The following PTPRS variants were observed in gnomAD, a reference collection of about 807,000 sequenced individuals.
PTPRS encodes receptor-type tyrosine-protein phosphatase S.
Under a neutral mutation model 215.3 loss-of-function variants are expected in PTPRS, and 63 were observed. The observed-to-expected ratio is 0.29, with a 90% CI of 0.24 to 0.36. The LOEUF is 0.36. PTPRS is among the 10% of genes least tolerant of loss of function. PTPRS has a pLI of 1.00. For synonymous variants in PTPRS, 1,404 were observed against 1,191.4 expected (o/e 1.18, Z -3.68); for missense variants, 2,258 against 2,825.8 (o/e 0.80, Z 4.56).
At chr19:5,322,027 T>G (rs2050036662) in intron 1 of PTPRS, among the ~76,000 whole-genome samples, 1 of 152,076 alleles carries the variant, frequency 6.6e-6, no homozygotes, top group South Asian at 2.1e-4. Context: ...CCATTTCCAT[T>G]TGGGTAAACT....
At position 5,206,820 on chromosome 19, in the gene PTPRS, TG is replaced by T; in HGVS notation, c.5800del (p.Gln1934ArgfsTer115). On this transcript the variant is annotated frameshift_variant, in exon 38 of 38. Coordinates refer to ENST00000262963, the MANE Select transcript of PTPRS (RefSeq NM_002850.4). LOFTEE classifies it high-confidence loss of function. ...QTEDEYQFCY[Q>X]AALEYLGSFD... ...GCTTCCGAGGTACTCCAGTGCCGCC[TG>T]GTAACAGAACTGGTACTCATCCTGG... The T allele has an allele frequency of 6.2e-7, 1 of 1,614,098 alleles. No homozygotes were observed. Among genetic ancestry groups the T allele is most frequent in the Non-Finnish European group, 8.5e-7 (1 of 1,179,964 alleles).
intron 16 of PTPRS, among the ~76,000 whole-genome samples, chr19:5,228,159 G>A (rs2042669876): frequency 6.6e-6 from 1 of 151,626 alleles, no homozygotes; most frequent in African/African-American, 2.4e-5. Flanking sequence ...AGAGCATGTG[G>A]GACCAGTGCC....
intron 1 of PTPRS, among the ~76,000 whole-genome samples, chr19:5,290,649 A>G (rs945991467): frequency 3.3e-5 from 5 of 151,964 alleles, no homozygotes; most frequent in African/African-American, 1.2e-4. Context: ...TGTAGAGTCC[A>G]TGCTGCCCTG....
chr19:5,294,582 C>G lies in PTPRS; in HGVS notation c.-94-8348G>C, dbSNP rs886824783. 7 of 152,162 alleles carry G rather than the reference C, an allele frequency of 4.6e-5. No homozygotes were observed. The highest frequency in any genetic ancestry group is 1.7e-4 in the African/African-American group (7 of 41,418). 9.4% of individuals were successfully genotyped at this position (152,162 alleles called of 1,614,324 possible). A position where few individuals can be genotyped will look rare whatever the true frequency, so the allele number is the denominator to read the frequency against. On this transcript the variant is annotated intron_variant, in intron 1 of 37. Coordinates refer to ENST00000262963, the MANE Select transcript of PTPRS (RefSeq NM_002850.4). This position sits in a 1 kb window ranked among gnomAD's most constrained non-coding sequence, Gnocchi z 5.1. ...GAGCCCAGCAGAAACAATTCCGCTC[C>G]CACGGCTCCCGTCCATGCCCTCCCA... is the stretch of plus-strand genomic sequence containing the variant.
chr19:5,240,448 C>G, intron 11 of PTPRS, 116 bp from the exon 12 acceptor site: 1 of 1,108,646 alleles, frequency 9.0e-7, no homozygotes, highest in South Asian at 2.1e-5. Context: ...CTAGAATGTT[C>G]TTTTATTTTC....
Position 5,236,097 on chromosome 19 carries a change from C to T in PTPRS, c.1849+2822G>A, listed in dbSNP as rs148247744. ...AACTGTCACTCCCCACCCGCCACCCCGCGTCAACGGTGGGGAAACCAGATT... is the reference window on the plus strand; with the variant it reads ...AACTGTCACTCCCCACCCGCCACCCTGCGTCAACGGTGGGGAAACCAGATT... On this transcript the variant is annotated intron_variant, in intron 13 of 37. Transcript: ENST00000262963. 1.9e-3 allele frequency among the ~76,000 whole-genome samples: 295 copies of T among 152,336 alleles called. 3 individuals are homozygous for T. The highest frequency in any genetic ancestry group is 6.8e-3 in the African/African-American group (282 of 41,584).
intron 1 of PTPRS, among the ~76,000 whole-genome samples, chr19:5,307,150 C>CA (rs1014987585): frequency 1.3e-4 from 19 of 151,824 alleles, no homozygotes; most frequent in African/African-American, 2.2e-4. Context: ...ACTAAAAATA[C>CA]AAAAAAAATT....
chr19:5,248,102 C>T (rs1302976309), intron 9 of PTPRS, among the ~76,000 whole-genome samples: 1 of 151,102 alleles, frequency 6.6e-6, no homozygotes, highest in African/African-American at 2.4e-5. Flanking sequence ...GAATGGGGTC[C>T]GGCCAGCCAG....
At chr19:5,239,731 TACAGAG>T (rs949394278) in intron 12 of PTPRS, among the ~76,000 whole-genome samples, 25 of 136,956 alleles carry the variant, frequency 1.8e-4, no homozygotes, top group Middle Eastern at 5.4e-3. Context: ...AAGAAACAGA[TACAGAG>T]ACAGAGACAG....
In PTPRS at chr19:5,208,338, C is replaced by G; in HGVS notation, c.5541G>C (p.Gln1847His). 6.2e-7 allele frequency: 1 copy of G among 1,613,874 alleles called. No individual in the cohort carries two copies. Among genetic ancestry groups the G allele is most frequent in the African/African-American group, 1.3e-5 (1 of 75,068 alleles). The change falls in exon 36 of 38, where the codon CAG becomes CAC. Residue 1847 changes from glutamine to histidine, a missense_variant. By Grantham distance (24) the Gln-to-His change is conservative. Around this residue, in one of 6 missense-constraint regions of PTPRS, gnomAD observed 927 missense variants for 1,125.9 expected, o/e 0.82. Transcript: ENST00000262963. ...AGCCCTCCCCCGACTTTGGCACACC[C>G]TGTTCCGGCCAGTCTGTGAACTGGA... ...RQFQFTDWPE[Q>H]GVPKSGEGFI...
intron 1 of PTPRS, among the ~76,000 whole-genome samples, chr19:5,319,750 C>T (rs2049975985): frequency 2.0e-5 from 3 of 152,108 alleles, no homozygotes; most frequent in Admixed American, 2.0e-4. Context: ...GTGCCGTCTG[C>T]CTGGAATGCT....
intron 4 of PTPRS, among the ~76,000 whole-genome samples, chr19:5,267,371 G>C (rs981749276): frequency 6.6e-6 from 1 of 152,024 alleles, no homozygotes; most frequent in Non-Finnish European, 1.5e-5. Flanking sequence ...TACAAACCAA[G>C]ATGGGCCGGC....
intron 1 of PTPRS, among the ~76,000 whole-genome samples, chr19:5,315,197 C>T (rs903602193): frequency 3.3e-5 from 5 of 152,026 alleles, no homozygotes; most frequent in African/African-American, 1.2e-4. Flanking sequence ...GACTTTTCCT[C>T]CCATCACTCA....
intron 16 of PTPRS, 28 bp from the exon 17 acceptor site, chr19:5,225,872 A>G (rs1377158029): frequency 1.3e-6 from 2 of 1,594,664 alleles, no homozygotes; most frequent in East Asian, 4.5e-5. Flanking sequence ...GGTCAGCACG[A>G]CGGCTGGGGC....
rs763791689 is a variant in PTPRS at position 5,223,163 on chromosome 19, G to A, written c.2629C>T (p.Pro877Ser). The change falls in exon 18 of 38, where the codon CCC becomes TCC. Residue 877 changes from proline (P) to serine (S), a missense_variant. Pro to Ser is a moderately conservative substitution (Grantham distance 74). Around this residue, in one of 6 missense-constraint regions of PTPRS, gnomAD observed 361 missense variants for 332.6 expected, o/e 1.09. Coordinates refer to ENST00000262963, the MANE Select transcript of PTPRS (RefSeq NM_002850.4). ...GGCGGGAACTCCAGGGTGGCCAGGG[G>A]CGTCGAGTCCTCACGGCCAAACTGC... is the stretch of plus-strand genomic sequence containing the variant. Reference protein sequence around the residue: ...RLQFGREDSTPLATLEFPPSE... With the variant: ...RLQFGREDSTSLATLEFPPSE... The A allele has an allele frequency of 4.5e-6, 7 of 1,569,266 alleles. No homozygotes were observed. The highest frequency in any genetic ancestry group is 5.2e-6 in the Non-Finnish European group (6 of 1,157,660).
chr19:5,236,211 A>G (rs2043430526), intron 13 of PTPRS, among the ~76,000 whole-genome samples: 2 of 152,164 alleles, frequency 1.3e-5, no homozygotes, highest in Non-Finnish European at 2.9e-5. Flanking sequence ...ATTATTTTGT[A>G]TAACACCTCT....
In PTPRS at chr19:5,223,259, C is replaced by G. The variant is rs759604875; in HGVS notation, c.2533G>C (p.Glu845Gln). Residue 845 changes from glutamate (E) to glutamine (Q), a missense_variant, in exon 18 of 38, where the codon GAG becomes CAG. Physicochemically the swap from Glu to Gln is conservative, Grantham distance 29. Coordinates refer to ENST00000262963, the MANE Select transcript of PTPRS (RefSeq NM_002850.4). ...RPTLSVQQTPEGSLLARWEPP... is the reference protein window; with the variant it reads ...RPTLSVQQTPQGSLLARWEPP... ...TCCCAGCGTGCCAGCAGGCTGCCCT[C>G]GGGGGTCTGCTGCACCGACAGGGTT... is the stretch of plus-strand genomic sequence containing the variant. 5.3e-5 allele frequency: 79 copies of G among 1,477,046 alleles called. No individual in the cohort carries two copies. The East Asian group carries it at 2.0e-3, about 37-fold the overall frequency. 91.5% of individuals were successfully genotyped at this position (1,477,046 alleles called of 1,614,324 possible). A position where few individuals can be genotyped will look rare whatever the true frequency, so the allele number is the denominator to read the frequency against.
In PTPRS at chr19:5,210,393, T is replaced by TCCATCA; in HGVS notation, c.5487+70_5487+75dup. 1.3e-6 allele frequency: 2 copies of TCCATCA among 1,597,260 alleles called. No individual in the cohort carries two copies. Among genetic ancestry groups the TCCATCA allele is most frequent in the Non-Finnish European group, 1.7e-6 (2 of 1,168,870 alleles). ...TTATGCCTAACCCTTGGCCTTTGTA[T>TCCATCA]CCATCACCAACCAGGGCAGCCCTTT... On this transcript the variant is annotated intron_variant, in intron 35 of 37. Transcript: ENST00000262963. This position sits in a 1 kb window ranked among gnomAD's most constrained non-coding sequence, Gnocchi z 4.5.
chr19:5,282,563 G>A (rs1290687277), intron 2 of PTPRS, among the ~76,000 whole-genome samples: 2 of 152,174 alleles, frequency 1.3e-5, no homozygotes, highest in Admixed American at 1.3e-4. Context: ...AGCACTTTGG[G>A]AAGCTGAGGC....
Sources: allele counts gnomAD v4.1 joint callset (sites outside exome capture counted in the v4.1 genomes callset), GRCh38; gene constraint gnomAD v4.1.1; regional missense constraint gnomAD v4.1.1; non-coding constraint Gnocchi (gnomAD v3.1); transcripts MANE v1.5; gene names NCBI Gene and HGNC (gene_info 2026-07-23, HGNC 2026-07-21).